Variants in ATF7IP2 observed in about 807,000 individuals in gnomAD.
ATF7IP2 encodes activating transcription factor 7-interacting protein 2.
Under a neutral mutation model 64.2 loss-of-function variants are expected in ATF7IP2, and 42 were observed. The ratio of observed to expected loss-of-function variants is 0.65; its 90% CI spans 0.51 to 0.85. The LOEUF is 0.85. Among genes scored for constraint, ATF7IP2 ranks in the 40% least tolerant of loss-of-function variants. The probability of loss-of-function intolerance (pLI) is 0.00; values close to 1 mark genes in which losing one functional copy is unlikely to be tolerated. For missense variants in ATF7IP2, 933 were observed against 784.2 expected (o/e 1.19, Z -2.27); for synonymous variants, 308 against 272.8 (o/e 1.13, Z -1.27).
At chr16:10,457,551 C>A (rs1394483313) in intron 9 of ATF7IP2, 22 bp downstream of exon 9, 2 of 1,503,124 alleles carry the variant, frequency 1.3e-6, no homozygotes, top group East Asian at 4.7e-5. Context: ...TGCAAAAATG[C>A]ATAAATTTAT....
intron 8 of ATF7IP2, chr16:10,447,972 T>A (rs1596542168): frequency 6.6e-6 from 1 of 152,380 alleles, no homozygotes. Flanking sequence ...AGGGGTCCAG[T>A]TGCAGTTTTC....
intron 1 of ATF7IP2, among the ~76,000 whole-genome samples, chr16:10,413,117 C>T (rs1401265300): frequency 6.6e-6 from 1 of 152,126 alleles, no homozygotes; most frequent in African/African-American, 2.4e-5. Flanking sequence ...ATCCATTCTG[C>T]AAATTCATGT....
At chr16:10,432,143 A>G (rs2048280657) in intron 5 of ATF7IP2, among the ~76,000 whole-genome samples, 1 of 151,688 alleles carries the variant, frequency 6.6e-6, no homozygotes, top group African/African-American at 2.4e-5. Context: ...AGCCAACCCT[A>G]TTTCTTTCTA....
intron 12 of ATF7IP2, among the ~76,000 whole-genome samples, chr16:10,477,200 A>G (rs563117329): frequency 3.2e-4 from 48 of 152,372 alleles, no homozygotes; most frequent in African/African-American, 1.1e-3. Flanking sequence ...CTAACTGACA[A>G]AGGTCTAACA....
Position 10,472,180 on chromosome 16 carries a change from A to G in ATF7IP2, c.1423A>G (p.Thr475Ala), listed in dbSNP as rs376890755. Residue 475 changes from threonine to alanine, a missense_variant, in exon 10 of 14, where the codon ACA (threonine) becomes GCA (alanine). Thr to Ala is a moderately conservative substitution (Grantham distance 58). Transcript: ENST00000562102. Reference protein sequence around the residue: ...NLTTPITSNPTDTRKITSGNS... With the variant: ...NLTTPITSNPADTRKITSGNS... ...GACAACTCCAATTACATCAAATCCA[A>G]CAGGTATCTTATAGCTGATTAGAAT... is the stretch of plus-strand genomic sequence containing the variant. The G allele has an allele frequency of 5.8e-6, 9 of 1,541,606 alleles. No homozygotes were observed. In the African/African-American group the frequency reaches 1.2e-4, roughly 21 times the overall value.
intron 2 of ATF7IP2, among the ~76,000 whole-genome samples, chr16:10,417,812 G>T (rs1156435573): frequency 6.6e-6 from 1 of 152,164 alleles, no homozygotes; most frequent in Non-Finnish European, 1.5e-5. Context: ...ATGTGGTACA[G>T]ACCTATACAC....
At chr16:10,429,314 G>C (rs2048165220) in intron 4 of ATF7IP2, among the ~76,000 whole-genome samples, 1 of 152,108 alleles carries the variant, frequency 6.6e-6, no homozygotes, top group Admixed American at 6.6e-5. Flanking sequence ...AGAGTATTGT[G>C]CTGTTTTTTG....
intron 9 of ATF7IP2, among the ~76,000 whole-genome samples, chr16:10,458,724 T>TAATA (rs1244997592): frequency 1.3e-5 from 2 of 152,214 alleles, no homozygotes; most frequent in African/African-American, 4.8e-5. Context: ...AGCATAACCC[T>TAATA]AATAGTATTA....
chr16:10,429,516 G>A (rs1453168854), intron 4 of ATF7IP2, among the ~76,000 whole-genome samples: 2 of 151,690 alleles, frequency 1.3e-5, no homozygotes, highest in African/African-American at 4.8e-5. Context: ...TGCCTGGCTA[G>A]TTTTTGTATT....
At position 10,449,776 on chromosome 16, in the gene ATF7IP2, T is replaced by G. The variant is rs537890019; in HGVS notation, c.1195-7596T>G. ...ACCAGCTCCTGGATTCATTGATTTT[T>G]TTGTTTGTTTGTTTGTTTTTAAGGG... On this transcript the variant is annotated intron_variant, in intron 8 of 13. Coordinates refer to ENST00000562102, the MANE Select transcript of ATF7IP2 (RefSeq NM_001393719.1). 2.0e-5 allele frequency: 3 copies of G among 151,536 alleles called. No individual in the cohort carries two copies. In the South Asian group the frequency reaches 6.2e-4, roughly 31 times the overall value. The allele number at this position is 151,536 out of a possible 1,614,324, so 9.4% of individuals were successfully genotyped here.
At chr16:10,461,896 C>G (rs2049385586) in intron 9 of ATF7IP2, among the ~76,000 whole-genome samples, 2 of 151,930 alleles carry the variant, frequency 1.3e-5, no homozygotes, top group Admixed American at 6.6e-5. Flanking sequence ...ATGATTTATG[C>G]TTAGTGTAAT....
At chr16:10,456,195 GA>G (rs201698502) in intron 8 of ATF7IP2, among the ~76,000 whole-genome samples, 13 of 149,454 alleles carry the variant, frequency 8.7e-5, no homozygotes, top group East Asian at 4.0e-4. Context: ...CACAATGTGA[GA>G]AAAAAAAAGA....
At chr16:10,417,078 T>C (rs1175858951) in intron 2 of ATF7IP2, among the ~76,000 whole-genome samples, 2 of 151,882 alleles carry the variant, frequency 1.3e-5, no homozygotes, top group East Asian at 1.9e-4. Context: ...GAATCAGAGG[T>C]CATATAAAAC....
intron 7 of ATF7IP2, among the ~76,000 whole-genome samples, chr16:10,439,205 G>C (rs12920570): frequency 5.9e-5 from 9 of 151,828 alleles, no homozygotes; most frequent in Non-Finnish European, 1.3e-4. Context: ...TTTTATTGTA[G>C]ACCAATTAGA....
chr16:10,419,853 T>C (rs1004339987), intron 3 of ATF7IP2, among the ~76,000 whole-genome samples: 1 of 152,236 alleles, frequency 6.6e-6, no homozygotes, highest in Non-Finnish European at 1.5e-5. Context: ...TTTACCTGTT[T>C]CCCAATTTTT....
At chr16:10,428,044 TCAA>T (rs1183745756) in intron 3 of ATF7IP2, among the ~76,000 whole-genome samples, 3 of 152,152 alleles carry the variant, frequency 2.0e-5, no homozygotes, top group South Asian at 2.1e-4. Context: ...TATAGTTTGC[TCAA>T]CAACAAAATT....
chr16:10,481,312 C>A (rs1362127987), intron 13 of ATF7IP2, among the ~76,000 whole-genome samples: 2 of 152,102 alleles, frequency 1.3e-5, no homozygotes, highest in Non-Finnish European at 2.9e-5. Context: ...CTCACTGCAA[C>A]CTCCACCTCC....
chr16:10,406,777 G>T (rs2141794275), intron 1 of ATF7IP2, among the ~76,000 whole-genome samples: 1 of 152,178 alleles, frequency 6.6e-6, no homozygotes. Context: ...ATAAAACATT[G>T]CCCAGCAAAG....
intron 8 of ATF7IP2, among the ~76,000 whole-genome samples, chr16:10,452,030 C>T (rs1462234211): frequency 2.0e-5 from 3 of 151,750 alleles, no homozygotes; most frequent in African/African-American, 4.8e-5. Context: ...CCAGCCTGGG[C>T]GACAAGAGCA....
Sources: gnomAD v4.1 joint callset for allele counts (sites outside exome capture counted in the v4.1 genomes callset) on GRCh38, gnomAD v4.1.1 for gene constraint, MANE v1.5 for transcripts, NCBI Gene and HGNC (gene_info 2026-07-23, HGNC 2026-07-21) for gene names.